GPHN: variants seen among roughly 807,000 people sequenced by gnomAD.
The protein encoded by GPHN is gephyrin.
Under a neutral mutation model 95.5 loss-of-function variants are expected in GPHN, and 17 were observed. The ratio of observed to expected loss-of-function variants is 0.18; its 90% CI spans 0.12 to 0.27. The LOEUF is 0.27. Among genes scored for constraint, GPHN ranks in the 10% least tolerant of loss-of-function variants. GPHN has a pLI of 1.00. For synonymous variants in GPHN, 320 were observed against 322.5 expected (o/e 0.99, Z 0.08); for missense variants, 660 against 978.1 (o/e 0.67, Z 4.34).
chr14:67,236,273 A>G, the GPHN span, among the ~76,000 whole-genome samples: 3 of 152,100 alleles, frequency 2.0e-5, no homozygotes, highest in South Asian at 6.2e-4. Flanking sequence ...AGCCATGTAT[A>G]AGATCCTGAT....
the GPHN span, chr14:67,467,157 G>C: frequency 4.6e-5 from 7 of 152,130 alleles, no homozygotes; most frequent in Admixed American, 6.5e-5. Flanking sequence ...CTGGAGGATT[G>C]GTCAACGTTG....
At chr14:66,802,992 G>A (rs1289942756) in intron 3 of GPHN, among the ~76,000 whole-genome samples, 4 of 152,224 alleles carry the variant, frequency 2.6e-5, no homozygotes, top group South Asian at 2.1e-4. Flanking sequence ...CCAGTCCACT[G>A]TCAGTGGACC....
At chr14:67,108,090 A>G (rs750884182) in intron 13 of GPHN, among the ~76,000 whole-genome samples, 4 of 152,198 alleles carry the variant, frequency 2.6e-5, no homozygotes, top group Non-Finnish European at 4.4e-5. Flanking sequence ...AGGGAAACCA[A>G]TAAAGGAATC....
chr14:66,925,254 T>A (rs2066425194), intron 8 of GPHN, among the ~76,000 whole-genome samples: 1 of 152,214 alleles, frequency 6.6e-6, no homozygotes, highest in Non-Finnish European at 1.5e-5. Flanking sequence ...ACTTCAAGCA[T>A]TCATCATTTC....
chr14:67,579,506 A>C, the GPHN span: 1 of 652,700 alleles, frequency 1.5e-6, no homozygotes, highest in East Asian at 2.8e-5. Context: ...ATTGTTGGTA[A>C]AGGAGGGACC....
chr14:67,200,078 G>A, the GPHN span: 1 of 974,060 alleles, frequency 1.0e-6, no homozygotes, highest in East Asian at 2.5e-5. Flanking sequence ...CCACCACCTG[G>A]AATGCCTTAT....
At chr14:67,211,460 A>T in the GPHN span, among the ~76,000 whole-genome samples, 2 of 152,196 alleles carry the variant, frequency 1.3e-5, no homozygotes, top group African/African-American at 4.8e-5. Context: ...AAACTGATTA[A>T]ATATTTTTAA....
At chr14:67,656,380 C>G in the GPHN span, 1 of 1,528,188 alleles carries the variant, frequency 6.5e-7, no homozygotes, top group Non-Finnish European at 8.8e-7. Context: ...CCTAATTACC[C>G]CATACTTGCC....
chr14:67,376,398 CTCTTA>C, the GPHN span: 1 of 1,526,406 alleles, frequency 6.6e-7, no homozygotes, highest in Non-Finnish European at 8.8e-7. Flanking sequence ...TTTTATAAAT[CTCTTA>C]TCTTTGAATT....
the GPHN span, among the ~76,000 whole-genome samples, chr14:67,430,006 C>T: frequency 1.3e-5 from 2 of 152,116 alleles, no homozygotes; most frequent in Non-Finnish European, 2.9e-5. Flanking sequence ...CAGATGGTAC[C>T]CAGGTTTGTC....
intron 1 of GPHN, among the ~76,000 whole-genome samples, chr14:66,661,275 C>T (rs7149778): frequency 7.9e-5 from 12 of 151,980 alleles, no homozygotes; most frequent in Non-Finnish European, 1.2e-4. Context: ...GAGTTGCTGG[C>T]GGGAGGGGCA....
intron 1 of GPHN, among the ~76,000 whole-genome samples, chr14:66,674,338 T>A (rs1003496673): frequency 6.6e-6 from 1 of 152,066 alleles, no homozygotes; most frequent in Non-Finnish European, 1.5e-5. Context: ...GATCTCGTGA[T>A]CCACCCGCCT....
intron 1 of GPHN, among the ~76,000 whole-genome samples, chr14:66,659,705 G>A (rs1029612519): frequency 1.1e-4 from 16 of 151,600 alleles, no homozygotes; most frequent in African/African-American, 3.9e-4. Flanking sequence ...CTTTTCTTTT[G>A]AAGCCTACTT....
intron 5 of GPHN, among the ~76,000 whole-genome samples, chr14:66,891,984 G>A (rs2064536596): frequency 6.6e-6 from 1 of 152,070 alleles, no homozygotes; most frequent in Non-Finnish European, 1.5e-5. Context: ...AATAAGTGGT[G>A]GCAGAATGTT....
At chr14:67,479,753 G>A in the GPHN span, among the ~76,000 whole-genome samples, 4 of 152,152 alleles carry the variant, frequency 2.6e-5, no homozygotes, top group Admixed American at 1.3e-4. Flanking sequence ...GAATGAATAT[G>A]TATTCACCGT....
the GPHN span, among the ~76,000 whole-genome samples, chr14:67,604,645 C>T: frequency 2.0e-5 from 3 of 152,094 alleles, no homozygotes; most frequent in Non-Finnish European, 4.4e-5. Flanking sequence ...CTGTAGGAGG[C>T]TACAAAAAGC....
chr14:67,579,385 C>A, the GPHN span: 1 of 1,239,082 alleles, frequency 8.1e-7, no homozygotes, highest in Non-Finnish European at 1.1e-6. Flanking sequence ...GGGCCTTAGG[C>A]TCAGGCTTGG....
chr14:67,133,877 A>C (rs927056717), intron 17 of GPHN, among the ~76,000 whole-genome samples: 1 of 152,212 alleles, frequency 6.6e-6, no homozygotes, highest in Non-Finnish European at 1.5e-5. Flanking sequence ...GTTGAAGATG[A>C]ATGTCATGGC....
the GPHN span, among the ~76,000 whole-genome samples, chr14:67,315,524 C>T: frequency 2.0e-5 from 3 of 152,062 alleles, no homozygotes; most frequent in African/African-American, 7.2e-5. Context: ...GATCTGCCCA[C>T]CTTGGCCTCT....
Sources: gnomAD v4.1 joint callset for allele counts (sites outside exome capture counted in the v4.1 genomes callset) on GRCh38, gnomAD v4.1.1 for gene constraint, MANE v1.5 for transcripts, NCBI Gene and HGNC (gene_info 2026-07-23, HGNC 2026-07-21) for gene names.